SNRPD1: variants seen among roughly 807,000 people sequenced by gnomAD.
The protein encoded by SNRPD1 is small nuclear ribonucleoprotein Sm D1.
SNRPD1 carries 1 observed loss-of-function variant against 14.4 expected under a neutral mutation model. The observed-to-expected ratio is 0.07, with a 90% CI of 0.02 to 0.33. The LOEUF is 0.33. SNRPD1 is among the 10% of genes least tolerant of loss of function. SNRPD1 has a pLI of 1.00. For missense variants in SNRPD1, 52 were observed against 146.4 expected, an observed-to-expected ratio of 0.36 and a Z score of 3.33; for synonymous variants, 42 against 50.3, an observed-to-expected ratio of 0.83 and a Z score of 0.70.
chr18:21,614,006 C>G (rs1322293462), intron 1 of SNRPD1, among the ~76,000 whole-genome samples: 1 of 152,070 alleles, frequency 6.6e-6, no homozygotes, highest in Non-Finnish European at 1.5e-5. Context: ...GACGTGGTGG[C>G]TCACGCCTGT....
chr18:21,615,761 C>T (rs1186373176), intron 1 of SNRPD1, among the ~76,000 whole-genome samples: 2 of 152,138 alleles, frequency 1.3e-5, no homozygotes, highest in African/African-American at 4.8e-5. Flanking sequence ...GGTAAATACT[C>T]GAGTGGAGTT....
At chr18:21,621,304 GA>G (rs1402174713) in intron 1 of SNRPD1, among the ~76,000 whole-genome samples, 1 of 152,150 alleles carries the variant, frequency 6.6e-6, no homozygotes, top group Non-Finnish European at 1.5e-5. Context: ...TTTGTAATGG[GA>G]AAAAATTGAA....
intron 3 of SNRPD1, among the ~76,000 whole-genome samples, chr18:21,626,873 T>C (rs1044874831): frequency 6.6e-6 from 1 of 151,672 alleles, no homozygotes; most frequent in Non-Finnish European, 1.5e-5. Flanking sequence ...TGAAGTGGCA[T>C]GATCATAGCT....
chr18:21,620,930 G>A (rs1320423172), intron 1 of SNRPD1, among the ~76,000 whole-genome samples: 4 of 152,104 alleles, frequency 2.6e-5, no homozygotes, highest in African/African-American at 7.2e-5. Flanking sequence ...TTGGGAGGCC[G>A]AGGCGGGTGG....
At chr18:21,628,039 C>T (rs570897603) in intron 3 of SNRPD1, among the ~76,000 whole-genome samples, 4 of 152,122 alleles carry the variant, frequency 2.6e-5, no homozygotes, top group Admixed American at 2.0e-4. Context: ...GCATCTTAAA[C>T]TTACTATTTA....
At chr18:21,613,072 G>A (rs2847128) in intron 1 of SNRPD1, among the ~76,000 whole-genome samples, 2,388 of 152,156 alleles carry the variant, frequency 0.016, 60 homozygotes, top group African/African-American at 0.054. Flanking sequence ...TTCCCTTTAA[G>A]GTAGGCTTTT....
chr18:21,612,495 G>T (rs1437220650), intron 1 of SNRPD1, 52 bp downstream of exon 1: 3 of 1,381,056 alleles, frequency 2.2e-6, no homozygotes, highest in Non-Finnish European at 2.9e-6. Flanking sequence ...GGCTTGGCCC[G>T]GAGTCCGGAA....
At chr18:21,627,558 A>G (rs766859666) in intron 3 of SNRPD1, among the ~76,000 whole-genome samples, 1 of 145,428 alleles carries the variant, frequency 6.9e-6, no homozygotes, top group Non-Finnish European at 1.5e-5. Flanking sequence ...TCCTGCCTCA[A>G]CCTCCCAAGT....
intron 3 of SNRPD1, among the ~76,000 whole-genome samples, chr18:21,624,701 AATAT>A (rs745537224): frequency 3.6e-4 from 53 of 146,078 alleles, no homozygotes; most frequent in Middle Eastern, 3.5e-3. Context: ...AAAAAAAAAA[AATAT>A]ATATATATAT....
chr18:21,616,246 A>T (rs939205009), intron 1 of SNRPD1, among the ~76,000 whole-genome samples: 10 of 152,282 alleles, frequency 6.6e-5, no homozygotes, highest in Middle Eastern at 3.4e-3. Flanking sequence ...TGGCCTCCCA[A>T]AGTGCTGGGA....
At chr18:21,626,335 G>A (rs191183049) in intron 3 of SNRPD1, among the ~76,000 whole-genome samples, 42 of 149,570 alleles carry the variant, frequency 2.8e-4, no homozygotes, top group Non-Finnish European at 4.4e-4. Flanking sequence ...TGGAGGCTCC[G>A]GTGAGCCGAG....
Position 21,612,450 on chromosome 18 carries a change from G to T in SNRPD1, c.14+7G>T. Reference sequence around the variant, plus strand: ...CTAGGATGAAGCTCGTGAGGTGAGGGAGTGACCAAGCAGCTCTGGGGGCTG... The same window carrying T: ...CTAGGATGAAGCTCGTGAGGTGAGGTAGTGACCAAGCAGCTCTGGGGGCTG... On this transcript the variant is annotated splice_region_variant and intron_variant, in intron 1 of 3. Coordinates refer to ENST00000300413, the MANE Select transcript of SNRPD1 (RefSeq NM_006938.4). 1.3e-6 allele frequency: 2 copies of T among 1,543,804 alleles called. No individual in the cohort carries two copies. The highest frequency in any genetic ancestry group is 1.2e-5 in the South Asian group (1 of 83,902).
intron 1 of SNRPD1, among the ~76,000 whole-genome samples, chr18:21,612,722 C>T (rs1381719579): frequency 6.6e-6 from 1 of 152,266 alleles, no homozygotes; most frequent in Non-Finnish European, 1.5e-5. Flanking sequence ...TCCTGGGACA[C>T]ATCTCCCTCT....
chr18:21,617,728 CGTGGT>C (rs751729836), intron 1 of SNRPD1, among the ~76,000 whole-genome samples: 18 of 152,104 alleles, frequency 1.2e-4, no homozygotes, highest in Admixed American at 6.6e-5. Flanking sequence ...ATCGGCCAGG[CGTGGT>C]GGTTCATGCT....
chr18:21,615,627 GAA>G (rs542184221), intron 1 of SNRPD1, among the ~76,000 whole-genome samples: 2 of 147,290 alleles, frequency 1.4e-5, no homozygotes, highest in African/African-American at 5.0e-5. Flanking sequence ...CAAAAAAAAA[GAA>G]AAAAGAAAAA....
At chr18:21,613,229 C>T (rs143367511) in intron 1 of SNRPD1, among the ~76,000 whole-genome samples, 189 of 152,254 alleles carry the variant, frequency 1.2e-3, no homozygotes, top group African/African-American at 4.1e-3. Context: ...AACTTGTTTG[C>T]TGATGTGAAT....
intron 1 of SNRPD1, among the ~76,000 whole-genome samples, chr18:21,616,309 G>A (rs2038957380): frequency 6.6e-6 from 1 of 151,266 alleles, no homozygotes; most frequent in Admixed American, 6.6e-5. Context: ...TTAGATCTGT[G>A]TCCTGGATAC....
intron 1 of SNRPD1, among the ~76,000 whole-genome samples, chr18:21,621,180 T>G (rs2038995283): frequency 1.3e-5 from 2 of 151,096 alleles, no homozygotes; most frequent in Admixed American, 6.6e-5. Context: ...AAAAAAAAGA[T>G]AAGATATTCA....
At chr18:21,619,494 A>C (rs2038981802) in intron 1 of SNRPD1, among the ~76,000 whole-genome samples, 1 of 149,398 alleles carries the variant, frequency 6.7e-6, no homozygotes, top group African/African-American at 2.4e-5. Context: ...GACTGTCTTT[A>C]AAAAAAAGGG....
Sources: allele counts gnomAD v4.1 joint callset (sites outside exome capture counted in the v4.1 genomes callset), GRCh38; gene constraint gnomAD v4.1.1; transcripts MANE v1.5; gene names NCBI Gene and HGNC (gene_info 2026-07-23, HGNC 2026-07-21).